The following LRRTM3 variants were observed in gnomAD, a reference collection of about 807,000 sequenced individuals.
LRRTM3 encodes leucine-rich repeat transmembrane neuronal protein 3.
LRRTM3 carries 24 observed loss-of-function variants against 44.7 expected under a neutral mutation model. The observed-to-expected ratio is 0.54, with a 90% CI of 0.39 to 0.76. LRRTM3 has a LOEUF of 0.76. Ranked by LOEUF, LRRTM3 falls within the 30% of genes least tolerant of loss-of-function variation. The pLI is 0.00. For missense variants in LRRTM3, 587 were observed against 702.2 expected (o/e 0.84, Z 1.85); for synonymous variants, 277 against 278.7 (o/e 0.99, Z 0.06).
At chr10:67,065,032 C>CTA (rs1218503253) in intron 2 of LRRTM3, among the ~76,000 whole-genome samples, 1 of 152,102 alleles carries the variant, frequency 6.6e-6, no homozygotes, top group Non-Finnish European at 1.5e-5. Context: ...ACTTATGGTC[C>CTA]TACATAGCAA....
At position 67,097,625 on chromosome 10, in the gene LRRTM3, C is replaced by T. The variant is rs374443522; in HGVS notation, c.1575C>T (p.Tyr525=). ...LSMNVSTFLA[Y]DQPTISYCGV... Reference sequence around the variant, plus strand: ...TGAATGTGTCAACCTTTCTGGCATACGACCAGCCCACAATAAGTTACTGTG... The same window carrying T: ...TGAATGTGTCAACCTTTCTGGCATATGACCAGCCCACAATAAGTTACTGTG... The change falls in exon 3 of 3, where the codon TAC becomes TAT. Residue 525 remains tyrosine, a synonymous_variant. Transcript: ENST00000361320. 37 of 1,612,378 alleles carry T rather than the reference C, an allele frequency of 2.3e-5. No individual in the cohort carries two copies. Among genetic ancestry groups the T allele is most frequent in the South Asian group, 7.7e-5 (7 of 91,068 alleles).
chr10:67,059,448 T>C (rs1855630009), intron 2 of LRRTM3, among the ~76,000 whole-genome samples: 1 of 152,112 alleles, frequency 6.6e-6, no homozygotes, highest in African/African-American at 2.4e-5. Context: ...CACAGACAGA[T>C]TGTAAGAGAC....
chr10:66,951,262 T>C (rs981323111), intron 2 of LRRTM3, among the ~76,000 whole-genome samples: 1 of 151,938 alleles, frequency 6.6e-6, no homozygotes, highest in African/African-American at 2.4e-5. Flanking sequence ...ATTATAGGCA[T>C]GCACCACCAC....
intron 2 of LRRTM3, among the ~76,000 whole-genome samples, chr10:67,047,624 A>G (rs1329505930): frequency 1.3e-5 from 2 of 152,146 alleles, no homozygotes; most frequent in African/African-American, 4.8e-5. Flanking sequence ...ATGGTGTCAA[A>G]GATTCAGCAA....
At chr10:67,077,680 T>A (rs144805792) in intron 2 of LRRTM3, among the ~76,000 whole-genome samples, 239 of 152,288 alleles carry the variant, frequency 1.6e-3, no homozygotes, top group African/African-American at 5.5e-3. Flanking sequence ...AAATTTGTAA[T>A]CTTATATTTG....
In LRRTM3 at chr10:67,090,775, TC is replaced by T. The variant is rs1857585211; in HGVS notation, c.1537-6811del. Among the ~76,000 whole-genome samples the T allele has an allele frequency of 2.6e-5, 4 of 152,040 alleles. No homozygotes were observed. In the South Asian group the frequency reaches 8.3e-4, roughly 31 times the overall value. On this transcript the variant is annotated intron_variant, in intron 2 of 2. Transcript: ENST00000361320. Reference sequence around the variant, plus strand: ...ACAGACGCAACAAATGCCCACAGCTTCTTCAGGTGGCTAGGCAGAGTAACAG... The same window carrying T: ...ACAGACGCAACAAATGCCCACAGCTTTTCAGGTGGCTAGGCAGAGTAACAG...
intron 2 of LRRTM3, among the ~76,000 whole-genome samples, chr10:66,980,736 C>T (rs926447087): frequency 5.3e-5 from 8 of 152,122 alleles, no homozygotes; most frequent in South Asian, 2.1e-4. Context: ...AAATGGGAAT[C>T]GTCAATCTCA....
At position 66,978,505 on chromosome 10, in the gene LRRTM3, T is replaced by G. The variant is rs1245500864; in HGVS notation, c.1536+50053T>G. ...TCACACCACTGCACTCCAGCCTGGA[T>G]GATAGAGTGAGACTCCATCTCAAAA... On this transcript the variant is annotated intron_variant, in intron 2 of 2. Coordinates refer to ENST00000361320, the MANE Select transcript of LRRTM3 (RefSeq NM_178011.5). Among the ~76,000 whole-genome samples the G allele has an allele frequency of 6.9e-5, 6 of 87,368 alleles. No individual in the cohort carries two copies. In the South Asian group the frequency reaches 2.6e-3, roughly 38 times the overall value. 57.3% of individuals were successfully genotyped at this position (87,368 alleles called of 152,430 possible).
At chr10:66,930,826 A>G (rs1387623907) in intron 2 of LRRTM3, among the ~76,000 whole-genome samples, 1 of 152,168 alleles carries the variant, frequency 6.6e-6, no homozygotes, top group Admixed American at 6.5e-5. Flanking sequence ...AACGAAAATA[A>G]AATCCCTTAG....
intron 2 of LRRTM3, among the ~76,000 whole-genome samples, chr10:67,006,888 G>A (rs73326908): frequency 0.01 from 1,580 of 152,104 alleles, 27 homozygotes; most frequent in African/African-American, 0.035. Context: ...CTACTTCCCG[G>A]GTTCAAGGCA....
At chr10:67,057,544 A>T (rs1054256559) in intron 2 of LRRTM3, among the ~76,000 whole-genome samples, 5 of 152,058 alleles carry the variant, frequency 3.3e-5, no homozygotes, top group Admixed American at 3.3e-4. Flanking sequence ...GGCTTATTTC[A>T]CTTAGTATAA....
intron 2 of LRRTM3, among the ~76,000 whole-genome samples, chr10:67,022,111 T>A (rs1158230742): frequency 1.3e-5 from 2 of 152,132 alleles, no homozygotes; most frequent in African/African-American, 4.8e-5. Flanking sequence ...TAGCTTGTAT[T>A]TGAAGCCAAA....
intron 2 of LRRTM3, among the ~76,000 whole-genome samples, chr10:66,931,847 T>C (rs1490811972): frequency 6.6e-6 from 1 of 152,228 alleles, no homozygotes; most frequent in African/African-American, 2.4e-5. Context: ...AGAAATATTT[T>C]AGAGTGCTTA....
chr10:66,939,243 T>C (rs1847876792), intron 2 of LRRTM3, among the ~76,000 whole-genome samples: 1 of 152,212 alleles, frequency 6.6e-6, no homozygotes, highest in Admixed American at 6.5e-5. Flanking sequence ...ATCTTCCCTT[T>C]TCTGAGTCTC....
chr10:67,097,890 A>G lies in LRRTM3; in HGVS notation c.*94A>G. On this transcript the variant is annotated 3_prime_UTR_variant, in exon 3 of 3. Transcript: ENST00000361320. ...GTTCATTGTGGACTCTAAAAACAAA[A>G]CAAAACACAAAATCCCCTGTTCAAA... The G allele has an allele frequency of 4.8e-6, 5 of 1,046,308 alleles. No individual in the cohort carries two copies. The highest frequency in any genetic ancestry group is 7.1e-6 in the Non-Finnish European group (5 of 701,956). 64.8% of individuals were successfully genotyped at this position (1,046,308 alleles called of 1,614,324 possible).
intron 2 of LRRTM3, among the ~76,000 whole-genome samples, chr10:66,998,013 C>A (rs146676463): frequency 1.3e-5 from 2 of 152,332 alleles, no homozygotes; most frequent in African/African-American, 4.8e-5. Flanking sequence ...ACTGGCCTCC[C>A]TGCCCACCAG....
intron 2 of LRRTM3, chr10:67,013,068 T>C (rs1219372745): frequency 6.6e-6 from 1 of 152,176 alleles, no homozygotes; most frequent in Non-Finnish European, 1.5e-5. Flanking sequence ...ATTATTATAT[T>C]ACAGCAATCC....
At position 66,927,190 on chromosome 10, in the gene LRRTM3, C is replaced by A. The variant is rs764904513; in HGVS notation, c.274C>A (p.Leu92Ile). 6.2e-7 allele frequency: 1 copy of A among 1,614,168 alleles called. No homozygotes were observed. The highest frequency in any genetic ancestry group is 1.1e-5 in the South Asian group (1 of 91,080). Residue 92 changes from leucine to isoleucine, a missense_variant, in exon 2 of 3, where the codon CTT (leucine) becomes ATT (isoleucine). Around this residue, in one of 3 missense-constraint regions of LRRTM3, gnomAD observed 222 missense variants for 323.3 expected, o/e 0.69. Coordinates refer to ENST00000361320, the MANE Select transcript of LRRTM3 (RefSeq NM_178011.5). This position sits in a 1 kb window ranked among gnomAD's most constrained non-coding sequence, Gnocchi z 4.7. ...GCTCAACCAGCTCACCTGGCTATAC[C>A]TTGACCATAACCATATCAGCAATAT... is the stretch of plus-strand genomic sequence containing the variant. ...KGLNQLTWLYLDHNHISNIDE... is the reference protein window; with the variant it reads ...KGLNQLTWLYIDHNHISNIDE...
intron 2 of LRRTM3, among the ~76,000 whole-genome samples, chr10:66,960,939 T>G (rs1371652667): frequency 6.6e-6 from 1 of 152,158 alleles, no homozygotes; most frequent in African/African-American, 2.4e-5. Flanking sequence ...TAAGGACTAC[T>G]AGTTAATCAC....
Sources: allele counts gnomAD v4.1 joint callset (sites outside exome capture counted in the v4.1 genomes callset), GRCh38; gene constraint gnomAD v4.1.1; regional missense constraint gnomAD v4.1.1; non-coding constraint Gnocchi (gnomAD v3.1); transcripts MANE v1.5; gene names NCBI Gene and HGNC (gene_info 2026-07-23, HGNC 2026-07-21).